The following ADAM18 variants were observed in gnomAD, a reference collection of about 807,000 sequenced individuals.
ADAM18 encodes the protein ADAM metallopeptidase domain 18, also known as disintegrin and metalloproteinase domain-containing protein 18.
In ADAM18, 117 loss-of-function variants were observed where a neutral mutation model predicts 94.4. The ratio of observed to expected loss-of-function variants is 1.24; its 90% CI spans 1.07 to 1.45. ADAM18 has a LOEUF of 1.45. Among genes scored for constraint, ADAM18 ranks in the 40% most tolerant of loss-of-function variants. The pLI is 0.00. For synonymous variants in ADAM18, 327 were observed against 291.6 expected (o/e 1.12, Z -1.24); for missense variants, 936 against 880.0 (o/e 1.06, Z -0.81).
chr8:39,698,012 A>C (rs1821972821), intron 17 of ADAM18, among the ~76,000 whole-genome samples: 1 of 151,778 alleles, frequency 6.6e-6, no homozygotes, highest in African/African-American at 2.4e-5. Context: ...ATCATTACTT[A>C]ATTTTGCTTT....
intron 12 of ADAM18, among the ~76,000 whole-genome samples, chr8:39,652,403 A>T (rs796215954): frequency 7.9e-5 from 12 of 152,342 alleles, no homozygotes; most frequent in African/African-American, 2.9e-4. Context: ...GACATTGCTC[A>T]AAATAAGACA....
In ADAM18 at chr8:39,723,811, G is replaced by C. The variant is rs1157761603; in HGVS notation, c.2081G>C (p.Cys694Ser). 1.3e-6 allele frequency: 2 copies of C among 1,586,022 alleles called. No individual in the cohort carries two copies. The highest frequency in any genetic ancestry group is 2.3e-5 in the East Asian group (1 of 43,084). ...AACAACTGGTTTATTCTGAGTTTCTGCATTTTTCTGCCGTTTTTCATAGTT... is the reference window on the plus strand; with the variant it reads ...AACAACTGGTTTATTCTGAGTTTCTCCATTTTTCTGCCGTTTTTCATAGTT... The part of the protein sequence containing the change: ...HWNNWFILSF[C>S]IFLPFFIVFT... Residue 694 changes from cysteine to serine, a missense_variant, in exon 19 of 20, where the codon TGC becomes TCC. Transcript: ENST00000265707.
chr8:39,711,509 A>C (rs1021726751), intron 18 of ADAM18, among the ~76,000 whole-genome samples: 1 of 152,214 alleles, frequency 6.6e-6, no homozygotes, highest in Non-Finnish European at 1.5e-5. Context: ...AGAACTAAAG[A>C]AAATCAAGAA....
At chr8:39,612,809 C>T (rs1819317102) in intron 6 of ADAM18, among the ~76,000 whole-genome samples, 2 of 152,090 alleles carry the variant, frequency 1.3e-5, no homozygotes, top group Admixed American at 1.3e-4. Context: ...GCTCCTTCAT[C>T]AGCAGACCCT....
At chr8:39,622,787 A>T (rs987938849) in intron 6 of ADAM18, among the ~76,000 whole-genome samples, 4 of 152,196 alleles carry the variant, frequency 2.6e-5, no homozygotes, top group Admixed American at 2.6e-4. Flanking sequence ...GAGATAAAAG[A>T]TTTAGAGGAG....
At chr8:39,586,223 A>G (rs1027142452) in intron 2 of ADAM18, among the ~76,000 whole-genome samples, 2 of 152,210 alleles carry the variant, frequency 1.3e-5, no homozygotes, top group African/African-American at 4.8e-5. Flanking sequence ...TCACAATAAA[A>G]TGAATACTTT....
At chr8:39,683,069 T>G (rs1407803579) in intron 16 of ADAM18, among the ~76,000 whole-genome samples, 2 of 152,192 alleles carry the variant, frequency 1.3e-5, no homozygotes, top group African/African-American at 4.8e-5. Context: ...TGATGGAATA[T>G]AACTTGCAAC....
At chr8:39,696,910 T>C (rs757063929) in intron 17 of ADAM18, among the ~76,000 whole-genome samples, 1 of 151,640 alleles carries the variant, frequency 6.6e-6, no homozygotes, top group Non-Finnish European at 1.5e-5. Flanking sequence ...AAAAGCATCA[T>C]TGGAATTTTG....
At chr8:39,679,834 G>T (rs114612268) in intron 15 of ADAM18, among the ~76,000 whole-genome samples, 93 of 152,230 alleles carry the variant, frequency 6.1e-4, no homozygotes, top group African/African-American at 2.2e-3. Context: ...GTGTCTTCAC[G>T]CTGAGTTAAG....
At chr8:39,609,206 T>C (rs944943477) in intron 4 of ADAM18, 86 bp downstream of exon 4, 2 of 957,080 alleles carry the variant, frequency 2.1e-6, no homozygotes, top group Admixed American at 2.8e-5. Context: ...TTAATACAAA[T>C]GTTTTATCCT....
Position 39,679,499 on chromosome 8 carries a change from A to T in ADAM18, c.1632-538A>T, listed in dbSNP as rs144716299. ...GTTTGTGGCATAGAGGGGATCTAAA[A>T]GTTCTTAAATTTTTAACAGATAAGT... On this transcript the variant is annotated intron_variant, in intron 15 of 19. Coordinates refer to ENST00000265707, the MANE Select transcript of ADAM18 (RefSeq NM_014237.3). Among the ~76,000 whole-genome samples the T allele has an allele frequency of 9.8e-5, 15 of 152,322 alleles. No individual in the cohort carries two copies. In the East Asian group the frequency reaches 2.7e-3, roughly 27 times the overall value.
intron 6 of ADAM18, among the ~76,000 whole-genome samples, chr8:39,627,446 G>T (rs911703787): frequency 6.6e-6 from 1 of 152,042 alleles, no homozygotes; most frequent in Admixed American, 6.6e-5. Context: ...CCATATTTAG[G>T]TGGGGACACA....
intron 7 of ADAM18, among the ~76,000 whole-genome samples, chr8:39,634,631 C>T (rs1020064591): frequency 3.3e-5 from 5 of 152,108 alleles, no homozygotes; most frequent in African/African-American, 1.2e-4. Flanking sequence ...CCTGCTATTC[C>T]CTTCTTCTTG....
rs139114737 is a variant in ADAM18 at position 39,610,551 on chromosome 8, A to C, written c.367A>C (p.Ile123Leu). Reference sequence around the variant, plus strand: ...CAGGGGATTTCTCCAGTTTGAAAATATCAGTTATGGAATTGAACCAGTAGA... The same window carrying C: ...CAGGGGATTTCTCCAGTTTGAAAATCTCAGTTATGGAATTGAACCAGTAGA... Reference protein sequence around the residue: ...GLRGFLQFENISYGIEPVESS... With the variant: ...GLRGFLQFENLSYGIEPVESS... The change falls in exon 6 of 20, where the codon ATC becomes CTC. Residue 123 changes from isoleucine to leucine, a missense_variant. Transcript: ENST00000265707. 1.5e-3 allele frequency: 2,484 copies of C among 1,607,278 alleles called. 16 individuals are homozygous for C. The highest frequency in any genetic ancestry group is 8.3e-3 in the Middle Eastern group (49 of 5,934).
intron 2 of ADAM18, among the ~76,000 whole-genome samples, chr8:39,593,470 T>C (rs553717601): frequency 8.5e-5 from 13 of 152,126 alleles, no homozygotes; most frequent in Non-Finnish European, 1.6e-4. Context: ...AGAGGCATCA[T>C]ACTTCCTGAT....
chr8:39,666,238 C>T (rs978237128), intron 13 of ADAM18, among the ~76,000 whole-genome samples: 4 of 152,050 alleles, frequency 2.6e-5, no homozygotes, highest in Non-Finnish European at 5.9e-5. Context: ...GGGTATTCCA[C>T]CATGTTTCCC....
intron 19 of ADAM18, among the ~76,000 whole-genome samples, chr8:39,724,626 T>C (rs1047312003): frequency 1.3e-5 from 2 of 151,868 alleles, no homozygotes; most frequent in African/African-American, 4.8e-5. Flanking sequence ...TAGTTCTTTT[T>C]CTAGTAGTTG....
intron 7 of ADAM18, among the ~76,000 whole-genome samples, chr8:39,634,175 C>T (rs1189355760): frequency 6.6e-6 from 1 of 152,120 alleles, no homozygotes; most frequent in Non-Finnish European, 1.5e-5. Context: ...CTCAGCTGGG[C>T]CCAGGTACAT....
At chr8:39,670,413 G>A (rs1585963786) in intron 14 of ADAM18, among the ~76,000 whole-genome samples, 2 of 151,886 alleles carry the variant, frequency 1.3e-5, no homozygotes, top group East Asian at 3.9e-4. Context: ...TTACTTGCAG[G>A]CATTTTTCTT....
Sources: allele counts gnomAD v4.1 joint callset (sites outside exome capture counted in the v4.1 genomes callset), GRCh38; gene constraint gnomAD v4.1.1; transcripts MANE v1.5; gene names NCBI Gene and HGNC (gene_info 2026-07-23, HGNC 2026-07-21).